TBCD: variants seen among roughly 807,000 people sequenced by gnomAD.
The protein encoded by TBCD is tubulin-specific chaperone D.
TBCD carries 105 observed loss-of-function variants against 169.3 expected under a neutral mutation model. That is an observed-to-expected ratio of 0.62 (90% CI 0.53 to 0.73). The LOEUF (loss-of-function observed/expected upper bound fraction) is 0.73. TBCD is among the 30% of genes least tolerant of loss of function. The probability of loss-of-function intolerance (pLI) is 0.00; values close to 1 mark genes in which losing one functional copy is unlikely to be tolerated. For synonymous variants in TBCD, 700 were observed against 643.9 expected (o/e 1.09, Z -1.32); for missense variants, 1,444 against 1,600.1 (o/e 0.90, Z 1.66).
intron 14 of TBCD, among the ~76,000 whole-genome samples, chr17:82,875,619 G>GC (rs1555626547): frequency 6.6e-6 from 1 of 152,168 alleles, no homozygotes; most frequent in South Asian, 2.1e-4. Flanking sequence ...GGGAGGATCC[G>GC]CCGAGGCCTG....
rs892134906 is a variant in TBCD at position 82,766,368 on chromosome 17, A to G, written c.435A>G (p.Glu145=). ...LVTIQNPKDH[E]AWETRYMLLL... Reference sequence around the variant, plus strand: ...CAATTCAGAATCCCAAGGACCATGAAGTGAGTGTCTCTGCCTCCCCCCTCG... The same window carrying G: ...CAATTCAGAATCCCAAGGACCATGAGGTGAGTGTCTCTGCCTCCCCCCTCG... Residue 145 remains glutamate, a splice_region_variant and synonymous_variant, in exon 4 of 39, where the codon GAA becomes GAG. Transcript: ENST00000355528. 2.5e-6 allele frequency: 4 copies of G among 1,609,698 alleles called. No homozygotes were observed. The highest frequency in any genetic ancestry group is 3.4e-6 in the Non-Finnish European group (4 of 1,177,644).
intron 13 of TBCD, 43 bp downstream of exon 13, chr17:82,814,977 C>A (rs757249231): frequency 1.9e-6 from 3 of 1,604,900 alleles, no homozygotes; most frequent in Non-Finnish European, 2.5e-6. Flanking sequence ...CTGGCGCTGG[C>A]GGAGCTGGGC....
intron 6 of TBCD, 88 bp downstream of exon 6, chr17:82,772,595 T>C: frequency 1.4e-6 from 2 of 1,393,878 alleles, no homozygotes; most frequent in Non-Finnish European, 2.0e-6. Context: ...GCGTCTTCAG[T>C]CCTCAGACGA....
rs763035939 is a variant in TBCD at position 82,929,346 on chromosome 17, A to T, written c.2853-16A>T. On this transcript the variant is annotated splice_polypyrimidine_tract_variant and intron_variant, in intron 31 of 38. Transcript: ENST00000355528. ...ATCATTGGCAGCCCGGCCTTGTCTCACTCACTCTCTTGCAGGTCCGATGTG... is the reference window on the plus strand; with the variant it reads ...ATCATTGGCAGCCCGGCCTTGTCTCTCTCACTCTCTTGCAGGTCCGATGTG... 1.6e-5 allele frequency: 26 copies of T among 1,610,780 alleles called. No individual in the cohort carries two copies. Among genetic ancestry groups the T allele is most frequent in the East Asian group, 1.3e-4 (6 of 44,772 alleles).
chr17:82,762,808 T>A (rs1429866573), intron 2 of TBCD, among the ~76,000 whole-genome samples: 3 of 152,100 alleles, frequency 2.0e-5, no homozygotes, highest in Non-Finnish European at 4.4e-5. Flanking sequence ...AAGATTGTAC[T>A]GTTGACCATT....
At position 82,782,848 on chromosome 17, in the gene TBCD, G is replaced by A. The variant is rs2460463; in HGVS notation, c.771+1127G>A. On this transcript the variant is annotated intron_variant, in intron 7 of 38. Coordinates refer to ENST00000355528, the MANE Select transcript of TBCD (RefSeq NM_005993.5). The surrounding 1 kb of genome is among the most constrained non-coding windows in gnomAD (Gnocchi z 5.1). ...TGTCTGCGGTGGCGTCCTCCTGTCCGCAGAGGCGTCCTCATGTCCTCAGTG... is the reference window on the plus strand; with the variant it reads ...TGTCTGCGGTGGCGTCCTCCTGTCCACAGAGGCGTCCTCATGTCCTCAGTG... Among the ~76,000 whole-genome samples the A allele has an allele frequency of 3.3e-5, 5 of 151,376 alleles. No homozygotes were observed. Among genetic ancestry groups the A allele is most frequent in the Admixed American group, 1.3e-4 (2 of 15,212 alleles).
intron 7 of TBCD, among the ~76,000 whole-genome samples, chr17:82,786,099 C>G (rs1329337777): frequency 6.6e-6 from 1 of 152,118 alleles, no homozygotes; most frequent in Non-Finnish European, 1.5e-5. Context: ...ATTAACCAGC[C>G]TACCAGCCCG....
chr17:82,756,015 C>G, intron 1 of TBCD, 150 bp from the exon 2 acceptor site: 1 of 698,408 alleles, frequency 1.4e-6, no homozygotes, highest in East Asian at 2.8e-5. Flanking sequence ...CCTGTGTGGC[C>G]TCCTTTAGTG....
chr17:82,939,294 C>T (rs2062918501), intron 36 of TBCD, 73 bp from the exon 37 acceptor site: 1 of 1,254,818 alleles, frequency 8.0e-7, no homozygotes, highest in African/African-American at 1.5e-5. Context: ...GCTCCCTGGC[C>T]TGGGTCCTGT....
chr17:82,780,559 A>AGGTTGCAG (rs1351330718), intron 6 of TBCD, among the ~76,000 whole-genome samples: 1 of 148,554 alleles, frequency 6.7e-6, no homozygotes, highest in African/African-American at 2.5e-5. Flanking sequence ...TGGGAGGCAG[A>AGGTTGCAG]GGTTGCAGTG....
rs1424787857 is a variant in TBCD, at chr17:82,942,764, C to T, written c.*301C>T. On this transcript the variant is annotated 3_prime_UTR_variant, in exon 39 of 39. Coordinates refer to ENST00000355528, the MANE Select transcript of TBCD (RefSeq NM_005993.5). ...AGGGGTGATGGAAAGGCTCACTGCCCAGGGGTCAGCCAGAGGGGAGGTGGG... is the reference window on the plus strand; with the variant it reads ...AGGGGTGATGGAAAGGCTCACTGCCTAGGGGTCAGCCAGAGGGGAGGTGGG... 5.9e-6 allele frequency: 3 copies of T among 508,410 alleles called. No individual in the cohort carries two copies. Among genetic ancestry groups the T allele is most frequent in the African/African-American group, 2.0e-5 (1 of 51,108 alleles). The allele number at this position is 508,410 out of a possible 1,614,324, so 31.5% of individuals were successfully genotyped here. A position where few individuals can be genotyped will look rare whatever the true frequency, so the allele number is the denominator to read the frequency against.
chr17:82,805,118 G>T (rs988812998), intron 9 of TBCD, among the ~76,000 whole-genome samples: 1 of 152,256 alleles, frequency 6.6e-6, no homozygotes. Flanking sequence ...AGCTGTGTAC[G>T]CGGGGGCCTT....
intron 13 of TBCD, among the ~76,000 whole-genome samples, chr17:82,843,363 C>T (rs1039991388): frequency 2.9e-5 from 4 of 135,642 alleles, no homozygotes; most frequent in African/African-American, 8.4e-5. Flanking sequence ...CCCTTCCCCT[C>T]GCCGTCCAGC....
At chr17:82,813,348 C>G (rs1261176727) in intron 12 of TBCD, among the ~76,000 whole-genome samples, 1 of 152,134 alleles carries the variant, frequency 6.6e-6, no homozygotes, top group Middle Eastern at 3.2e-3. Context: ...CTTCCCTCCT[C>G]TGAGACCCCC....
chr17:82,861,183 A>G (rs976576008), intron 13 of TBCD, among the ~76,000 whole-genome samples: 4 of 152,170 alleles, frequency 2.6e-5, no homozygotes, highest in Non-Finnish European at 5.9e-5. Context: ...CCCAGAGGCC[A>G]TGCATAGGGC....
intron 1 of TBCD, among the ~76,000 whole-genome samples, chr17:82,753,350 C>T (rs943862843): frequency 6.6e-6 from 1 of 151,864 alleles, no homozygotes; most frequent in East Asian, 1.9e-4. Context: ...ATAACGATGC[C>T]TCTCGTGCAG....
At chr17:82,752,402 G>A in intron 1 of TBCD, 25 bp downstream of exon 1, 1 of 1,212,910 alleles carries the variant, frequency 8.2e-7, no homozygotes, top group Non-Finnish European at 1.0e-6. Context: ...CCGCGTGCCC[G>A]CTTCCTCCCC....
At position 82,831,934 on chromosome 17, in the gene TBCD, T is replaced by A; in HGVS notation, c.1318+17000T>A. 1 of 1,614,184 alleles carries A rather than the reference T, an allele frequency of 6.2e-7. No individual in the cohort carries two copies. The highest frequency in any genetic ancestry group is 8.5e-7 in the Non-Finnish European group (1 of 1,180,028). On this transcript the variant is annotated intron_variant, in intron 13 of 38. Coordinates refer to ENST00000355528, the MANE Select transcript of TBCD (RefSeq NM_005993.5). This position sits in a 1 kb window ranked among gnomAD's most constrained non-coding sequence, Gnocchi z 4.6. ...CAGTGTCTCGGGCGCCTCGGCGTTG[T>A]CTGGCCCCTTGAGTCTGTGCTCGCC... is the stretch of plus-strand genomic sequence containing the variant.
rs116475539 is a variant in TBCD at position 82,907,976 on chromosome 17, G to A, written c.1983+155G>A. 3.6e-3 allele frequency among the ~76,000 whole-genome samples: 549 copies of A among 152,328 alleles called. 4 individuals carry two copies. Among genetic ancestry groups the A allele is most frequent in the African/African-American group, 0.011 (468 of 41,576 alleles). ...GGGGGACCTGCGGTGTGATCACTCTGGGAACAGGCTCTCTGCTGGCGTCAT... is the reference window on the plus strand; with the variant it reads ...GGGGGACCTGCGGTGTGATCACTCTAGGAACAGGCTCTCTGCTGGCGTCAT... On this transcript the variant is annotated intron_variant, in intron 21 of 38. Coordinates refer to ENST00000355528, the MANE Select transcript of TBCD (RefSeq NM_005993.5).
Sources: allele counts gnomAD v4.1 joint callset (sites outside exome capture counted in the v4.1 genomes callset), GRCh38; gene constraint gnomAD v4.1.1; non-coding constraint Gnocchi (gnomAD v3.1); transcripts MANE v1.5; gene names NCBI Gene and HGNC (gene_info 2026-07-23, HGNC 2026-07-21).